The following ZNF148 variants were observed in gnomAD, a reference collection of about 807,000 sequenced individuals.
ZNF148 encodes the protein zinc finger protein 148, also known as Beta-Enolase Repressor Factor-1.
Under a neutral mutation model 67.7 loss-of-function variants are expected in ZNF148, and 7 were observed. The observed-to-expected ratio is 0.10, with a 90% confidence interval of 0.06 to 0.19. The LOEUF is 0.19. Ranked by LOEUF, ZNF148 falls within the 10% of genes least tolerant of loss-of-function variation. The pLI is 1.00. For missense variants in ZNF148, 583 were observed against 947.1 expected, an observed-to-expected ratio of 0.62 and a Z score of 5.05; for synonymous variants, 333 against 330.7, an observed-to-expected ratio of 1.01 and a Z score of -0.08.
At chr3:125,307,611 A>G (rs1939955956) in intron 4 of ZNF148, among the ~76,000 whole-genome samples, 1 of 152,044 alleles carries the variant, frequency 6.6e-6, no homozygotes. Context: ...TAGGAAGAAC[A>G]CTTCAACCTA....
At chr3:125,340,308 CA>C (rs1941659709) in intron 1 of ZNF148, among the ~76,000 whole-genome samples, 1 of 152,160 alleles carries the variant, frequency 6.6e-6, no homozygotes, top group Non-Finnish European at 1.5e-5. Context: ...GCCCAAATGA[CA>C]ATAAAGACCA....
intron 1 of ZNF148, among the ~76,000 whole-genome samples, chr3:125,354,043 G>T (rs1013409298): frequency 6.6e-6 from 1 of 152,002 alleles, no homozygotes; most frequent in Non-Finnish European, 1.5e-5. Flanking sequence ...ATAATAAAAG[G>T]TTAATAAAAA....
At chr3:125,352,147 AAAC>A (rs1255947676) in intron 1 of ZNF148, among the ~76,000 whole-genome samples, 2 of 152,092 alleles carry the variant, frequency 1.3e-5, no homozygotes, top group Admixed American at 6.5e-5. Flanking sequence ...AACAAAGTGG[AAAC>A]AACCCAACAA....
intron 4 of ZNF148, among the ~76,000 whole-genome samples, chr3:125,311,763 G>A (rs1410033721): frequency 6.6e-6 from 1 of 151,978 alleles, no homozygotes; most frequent in African/African-American, 2.4e-5. Flanking sequence ...ATCAAAGAGA[G>A]GACATCACTA....
chr3:125,235,742 C>A (rs919182241), intron 7 of ZNF148, among the ~76,000 whole-genome samples: 16 of 151,912 alleles, frequency 1.1e-4, no homozygotes, highest in Non-Finnish European at 2.1e-4. Context: ...AAATGTGGCA[C>A]ATATACACCA....
intron 7 of ZNF148, among the ~76,000 whole-genome samples, chr3:125,255,546 C>T (rs6784650): frequency 0.77 from 117,177 of 151,990 alleles, 45,712 homozygotes; most frequent in African/African-American, 0.85. Flanking sequence ...CATGCCTGGC[C>T]CACTCTTGAC....
intron 7 of ZNF148, among the ~76,000 whole-genome samples, chr3:125,267,343 C>T (rs1219255307): frequency 2.6e-5 from 4 of 151,828 alleles, no homozygotes; most frequent in African/African-American, 9.7e-5. Flanking sequence ...CAAACTGAAT[C>T]TAGGAGCACA....
At chr3:125,234,147 A>C (rs1935977509) in intron 8 of ZNF148, 64 bp downstream of exon 8, 1 of 1,263,110 alleles carries the variant, frequency 7.9e-7, no homozygotes, top group Non-Finnish European at 1.1e-6. Context: ...AATATTTTCT[A>C]ATCTAATTTA....
intron 7 of ZNF148, among the ~76,000 whole-genome samples, chr3:125,256,079 TA>T (rs949884966): frequency 4.1e-4 from 60 of 148,032 alleles, no homozygotes; most frequent in Non-Finnish European, 5.3e-4. Flanking sequence ...GAATTCCATT[TA>T]AAAAAAAAAA....
In ZNF148 at chr3:125,232,235, T is replaced by G. The variant is rs79947182; in HGVS notation, c.*106A>C. On this transcript the variant is annotated 3_prime_UTR_variant, in exon 9 of 9. Coordinates refer to ENST00000360647, the MANE Select transcript of ZNF148 (RefSeq NM_021964.3). The surrounding 1 kb of genome is among the most constrained non-coding windows in gnomAD (Gnocchi z 4.2). ...TATTCATATCAGCTTAACTTGTTAT[T>G]ACGCATTGCTCTTAAATCTGTACAG... is the stretch of plus-strand genomic sequence containing the variant. The G allele has an allele frequency of 1.5e-4, 193 of 1,290,480 alleles. 1 individual carries two copies. In the East Asian group the frequency reaches 4.7e-3, roughly 31 times the overall value. The allele number at this position is 1,290,480 out of a possible 1,614,324, so 79.9% of individuals were successfully genotyped here.
rs747218957 is a variant in ZNF148 at position 125,233,601 on chromosome 3, G to A, written c.1125C>T (p.Gly375=). Residue 375 remains glycine (G), a synonymous_variant, in exon 9 of 9, where the codon GGC becomes GGT. Coordinates refer to ENST00000360647, the MANE Select transcript of ZNF148 (RefSeq NM_021964.3). This position sits in a 1 kb window ranked among gnomAD's most constrained non-coding sequence, Gnocchi z 5.1. ...CTCCTGACGCATCTTCTAAATGCGAGCCCCCAACTGACGAATGTGGCATTT... is the reference window on the plus strand; with the variant it reads ...CTCCTGACGCATCTTCTAAATGCGAACCCCCAACTGACGAATGTGGCATTT... The part of the protein sequence containing the change: ...AVEMPHSSVG[G]SHLEDASGEI... 6 of 1,613,894 alleles carry A rather than the reference G, an allele frequency of 3.7e-6. No individual in the cohort carries two copies. The South Asian group carries it at 5.5e-5, about 15-fold the overall frequency.
At chr3:125,309,022 G>A (rs1345012571) in intron 4 of ZNF148, among the ~76,000 whole-genome samples, 2 of 152,150 alleles carry the variant, frequency 1.3e-5, no homozygotes, top group Non-Finnish European at 2.9e-5. Flanking sequence ...CCATTTACAT[G>A]AGGTTCTCAT....
At chr3:125,322,373 C>A (rs915719927) in intron 3 of ZNF148, among the ~76,000 whole-genome samples, 4 of 151,680 alleles carry the variant, frequency 2.6e-5, no homozygotes, top group Non-Finnish European at 5.9e-5. Flanking sequence ...AGATAGCTGG[C>A]TATCTCCCCA....
chr3:125,247,955 C>T (rs925687665), intron 7 of ZNF148, among the ~76,000 whole-genome samples: 1 of 152,134 alleles, frequency 6.6e-6, no homozygotes, highest in African/African-American at 2.4e-5. Flanking sequence ...ATAAGCTGAA[C>T]ACCATATATT....
intron 7 of ZNF148, among the ~76,000 whole-genome samples, chr3:125,266,505 A>G (rs1296177831): frequency 6.6e-6 from 1 of 152,222 alleles, no homozygotes; most frequent in African/African-American, 2.4e-5. Flanking sequence ...GGCAGAAATC[A>G]AAATATTCTT....
intron 1 of ZNF148, among the ~76,000 whole-genome samples, chr3:125,373,691 C>A (rs1352322524): frequency 6.6e-6 from 1 of 152,160 alleles, no homozygotes; most frequent in African/African-American, 2.4e-5. Flanking sequence ...CTGGCTGATA[C>A]GTTTTCTTCA....
chr3:125,301,361 G>C (rs1939577504), intron 4 of ZNF148, among the ~76,000 whole-genome samples: 1 of 152,034 alleles, frequency 6.6e-6, no homozygotes, highest in South Asian at 2.1e-4. Flanking sequence ...GAAACAGCTG[G>C]CCTATATTTT....
chr3:125,243,418 AT>A (rs1404295605), intron 7 of ZNF148, among the ~76,000 whole-genome samples: 1 of 152,180 alleles, frequency 6.6e-6, no homozygotes, highest in African/African-American at 2.4e-5. Flanking sequence ...TGCAGAAAAT[AT>A]TTTTTAACTT....
At chr3:125,373,775 G>A (rs571499566) in intron 1 of ZNF148, among the ~76,000 whole-genome samples, 63 of 152,176 alleles carry the variant, frequency 4.1e-4, no homozygotes, top group Non-Finnish European at 7.8e-4. Context: ...AACTGTGAAT[G>A]GCAGAAGATC....
Sources: gnomAD v4.1 joint callset for allele counts (sites outside exome capture counted in the v4.1 genomes callset) on GRCh38, gnomAD v4.1.1 for gene constraint, Gnocchi (gnomAD v3.1) non-coding constraint, MANE v1.5 for transcripts, NCBI Gene and HGNC (gene_info 2026-07-23, HGNC 2026-07-21) for gene names.